The following LINGO2 variants were observed in gnomAD, a reference collection of about 807,000 sequenced individuals.
LINGO2 encodes the protein leucine-rich repeat and immunoglobulin-like domain-containing nogo receptor-interacting protein 2.
LINGO2 carries 14 observed loss-of-function variants against 30.6 expected under a neutral mutation model. The observed-to-expected ratio is 0.46, with a 90% CI of 0.30 to 0.72. The LOEUF (loss-of-function observed/expected upper bound fraction) is 0.72, where lower values mean the gene tolerates loss of function less well. Ranked by LOEUF, LINGO2 falls within the 30% of genes least tolerant of loss-of-function variation. The pLI, the probability that LINGO2 is intolerant of heterozygous loss-of-function variation, is 0.07. For synonymous variants in LINGO2, 317 were observed against 288.5 expected, an observed-to-expected ratio of 1.10 and a Z score of -1.00; for missense variants, 729 against 751.7, an observed-to-expected ratio of 0.97 and a Z score of 0.35.
intron 4 of LINGO2, among the ~76,000 whole-genome samples, chr9:28,177,362 AT>A: frequency 6.6e-6 from 1 of 152,254 alleles, no homozygotes; most frequent in Non-Finnish European, 1.5e-5. Flanking sequence ...CAGCCCAGCC[AT>A]TTTCCAAAAC....
intron 1 of LINGO2, among the ~76,000 whole-genome samples, chr9:28,630,250 A>AT (rs1826875041): frequency 1.3e-5 from 2 of 152,076 alleles, no homozygotes; most frequent in African/African-American, 4.8e-5. Flanking sequence ...GAAAAAAAAA[A>AT]GTTTCAGTAT....
chr9:28,627,226 G>A (rs1373024585), intron 1 of LINGO2, among the ~76,000 whole-genome samples: 1 of 151,928 alleles, frequency 6.6e-6, no homozygotes, highest in Non-Finnish European at 1.5e-5. Context: ...TATTTATGAA[G>A]GTCTCTCTAT....
At chr9:28,142,186 G>T in intron 4 of LINGO2, among the ~76,000 whole-genome samples, 1 of 141,568 alleles carries the variant, frequency 7.1e-6, no homozygotes, top group African/African-American at 2.6e-5. Flanking sequence ...TGGCAAGTAA[G>T]TTAAATACTA....
At chr9:29,032,598 T>C in the LINGO2 span, among the ~76,000 whole-genome samples, 1 of 152,156 alleles carries the variant, frequency 6.6e-6, no homozygotes, top group Non-Finnish European at 1.5e-5. Context: ...AATCATCTCT[T>C]AGAATCATTC....
rs377700091 is a variant in LINGO2 at position 28,637,290 on chromosome 9, G to C, written c.-365+32910C>G. ...AGCTTTGTTCTTTTGGCTTAGGATT[G>C]ACTTGGCGATGCGGGCTCTTTTTTG... On this transcript the variant is annotated intron_variant, in intron 1 of 5. Transcript: ENST00000379992. 3.3e-5 allele frequency among the ~76,000 whole-genome samples: 5 copies of C among 152,280 alleles called. No individual in the cohort carries two copies. The East Asian group carries it at 7.7e-4, about 24-fold the overall frequency.
chr9:28,915,575 A>T, the LINGO2 span, among the ~76,000 whole-genome samples: 1 of 152,318 alleles, frequency 6.6e-6, no homozygotes. Flanking sequence ...TAACTTAAAG[A>T]TTACTTCAAT....
At chr9:28,024,915 A>AG (rs1823304657) in intron 4 of LINGO2, among the ~76,000 whole-genome samples, 1 of 152,126 alleles carries the variant, frequency 6.6e-6, no homozygotes, top group African/African-American at 2.4e-5. Context: ...TGGTGACTGT[A>AG]GACTCTGGTA....
chr9:27,979,604 G>A (rs1018604673), intron 5 of LINGO2, among the ~76,000 whole-genome samples: 20 of 151,816 alleles, frequency 1.3e-4, no homozygotes, highest in Non-Finnish European at 1.9e-4. Context: ...AGTAATCTAC[G>A]TGAATGAAAA....
At chr9:28,280,353 T>C (rs1218322886) in intron 4 of LINGO2, among the ~76,000 whole-genome samples, 4 of 152,066 alleles carry the variant, frequency 2.6e-5, no homozygotes, top group Admixed American at 1.3e-4. Flanking sequence ...GCTTTAAAAA[T>C]TATAACAAAC....
At chr9:28,418,184 A>T (rs1823045790) in intron 2 of LINGO2, among the ~76,000 whole-genome samples, 1 of 152,118 alleles carries the variant, frequency 6.6e-6, no homozygotes, top group Admixed American at 6.6e-5. Flanking sequence ...TCAGTAAGAA[A>T]GCACTGAATA....
At chr9:28,969,091 G>C in the LINGO2 span, among the ~76,000 whole-genome samples, 1 of 152,106 alleles carries the variant, frequency 6.6e-6, no homozygotes, top group Non-Finnish European at 1.5e-5. Context: ...TGCCCTGGTA[G>C]AGATCACATT....
intron 4 of LINGO2, among the ~76,000 whole-genome samples, chr9:28,207,085 A>G (rs963505956): frequency 5.9e-5 from 9 of 152,204 alleles, no homozygotes; most frequent in African/African-American, 2.2e-4. Context: ...GTTTAATTAT[A>G]GAATCTGATT....
At chr9:28,812,365 A>T in the LINGO2 span, among the ~76,000 whole-genome samples, 21 of 152,254 alleles carry the variant, frequency 1.4e-4, 1 homozygote, top group South Asian at 4.1e-3. Flanking sequence ...TTAAAAATGA[A>T]ATGTAAATAT....
At chr9:29,180,942 G>A in the LINGO2 span, among the ~76,000 whole-genome samples, 13 of 152,296 alleles carry the variant, frequency 8.5e-5, no homozygotes, top group African/African-American at 2.6e-4. Context: ...CGTACATTTT[G>A]TAAAATTGGT....
At chr9:28,541,927 T>C (rs1283934634) in intron 1 of LINGO2, among the ~76,000 whole-genome samples, 2 of 152,098 alleles carry the variant, frequency 1.3e-5, no homozygotes, top group African/African-American at 4.8e-5. Flanking sequence ...TGAGACAGGC[T>C]GTTTTCAGAG....
chr9:29,091,715 G>A, the LINGO2 span, among the ~76,000 whole-genome samples: 70 of 152,128 alleles, frequency 4.6e-4, 1 homozygote, highest in South Asian at 8.3e-3. Flanking sequence ...AATCACAGGA[G>A]AGTGTCTGTA....
At chr9:28,858,309 G>A in the LINGO2 span, among the ~76,000 whole-genome samples, 1 of 151,994 alleles carries the variant, frequency 6.6e-6, no homozygotes, top group African/African-American at 2.4e-5. Flanking sequence ...TCAGGCAGAT[G>A]AACATTTAAG....
At chr9:29,089,890 T>A in the LINGO2 span, among the ~76,000 whole-genome samples, 1 of 152,056 alleles carries the variant, frequency 6.6e-6, no homozygotes, top group Non-Finnish European at 1.5e-5. Context: ...AAAAGGAATT[T>A]TCTGTTTTGT....
intron 1 of LINGO2, among the ~76,000 whole-genome samples, chr9:28,603,956 G>GT (rs1348193125): frequency 2.6e-5 from 4 of 151,926 alleles, no homozygotes; most frequent in African/African-American, 9.7e-5. Context: ...TGTTTCTTCT[G>GT]TTTTCTCTAC....
Sources: allele counts gnomAD v4.1 joint callset (sites outside exome capture counted in the v4.1 genomes callset), GRCh38; gene constraint gnomAD v4.1.1; transcripts MANE v1.5; gene names NCBI Gene and HGNC (gene_info 2026-07-23, HGNC 2026-07-21).